LIPJ: variants seen among roughly 807,000 people sequenced by gnomAD.
LIPJ encodes the protein lipase member J.
In LIPJ, 33 loss-of-function variants were observed where a neutral mutation model predicts 39.8. The ratio of observed to expected loss-of-function variants is 0.83; its 90% CI spans 0.63 to 1.11. LIPJ has a LOEUF of 1.11. Ranked by LOEUF, LIPJ falls within the 50% of genes least tolerant of loss-of-function variation. The probability of loss-of-function intolerance (pLI) is 0.00; values close to 1 mark genes in which losing one functional copy is unlikely to be tolerated. For missense variants in LIPJ, 422 were observed against 427.9 expected, an observed-to-expected ratio of 0.99 and a Z score of 0.12; for synonymous variants, 128 against 139.2, an observed-to-expected ratio of 0.92 and a Z score of 0.57.
downstream of LIPJ, among the ~76,000 whole-genome samples, chr10:88,607,464 CAGAGTGTATAG>C (rs1380169757): frequency 2.0e-5 from 3 of 152,224 alleles, no homozygotes; most frequent in Admixed American, 6.5e-5. Flanking sequence ...CCTCACTTCC[CAGAGTGTATAG>C]CTTGAGAAGA....
At chr10:88,610,053 C>T (rs1336297498), downstream of LIPJ, among the ~76,000 whole-genome samples, 1 of 152,134 alleles carries the variant, frequency 6.6e-6, no homozygotes, top group Admixed American at 6.5e-5. Context: ...CAGGAAGTTT[C>T]CTCTGATAAG....
At position 88,590,648 on chromosome 10, in the gene LIPJ, T is replaced by C. The variant is rs1238184375; in HGVS notation, c.-40T>C. 4 of 1,537,172 alleles carry C rather than the reference T, an allele frequency of 2.6e-6. No homozygotes were observed. In the African/African-American group the frequency reaches 5.5e-5, roughly 21 times the overall value. On this transcript the variant is annotated 5_prime_UTR_variant, in exon 3 of 11. Transcript: ENST00000371939. The stretch of plus-strand genomic sequence containing the variant: ...TCCGAATTCTTGGAATTACTCATGG[T>C]GTCTTTCAAAATTAAAGATCTGTGA...
chr10:88,584,661 G>T (rs567333039), upstream of LIPJ: 1 of 152,216 alleles, frequency 6.6e-6, no homozygotes, highest in East Asian at 1.9e-4. Flanking sequence ...GCAGTGGCAC[G>T]ATCAGGGCTC....
chr10:88,589,856 C>A (rs998643461), intron 2 of LIPJ, among the ~76,000 whole-genome samples: 1 of 151,754 alleles, frequency 6.6e-6, no homozygotes, highest in Non-Finnish European at 1.5e-5. Context: ...GGCAGGGAAA[C>A]TGATGATCAC....
downstream of LIPJ, among the ~76,000 whole-genome samples, chr10:88,610,914 T>C (rs1423416139): frequency 1.3e-5 from 2 of 152,202 alleles, no homozygotes; most frequent in African/African-American, 2.4e-5. Flanking sequence ...CTATAAAACT[T>C]CTAGAAGAAA....
intron 4 of LIPJ, chr10:88,592,121 A>T (rs1851100681): frequency 6.6e-6 from 1 of 151,932 alleles, no homozygotes; most frequent in Admixed American, 6.6e-5. Flanking sequence ...TGTTTCTTTC[A>T]GAAGGAAACA....
intron 2 of LIPJ, among the ~76,000 whole-genome samples, chr10:88,588,930 T>C (rs1336212821): frequency 6.6e-6 from 1 of 151,766 alleles, no homozygotes; most frequent in Non-Finnish European, 1.5e-5. Flanking sequence ...TTATTAGGAG[T>C]ACCACAACTA....
chr10:88,589,721 A>T (rs2765452), intron 2 of LIPJ, among the ~76,000 whole-genome samples: 1 of 151,668 alleles, frequency 6.6e-6, no homozygotes, highest in South Asian at 2.1e-4. Flanking sequence ...GTTCTCTTGC[A>T]TAAGGAGGAT....
chr10:88,598,989 AAAT>A (rs1851363872), intron 8 of LIPJ, among the ~76,000 whole-genome samples: 2 of 143,546 alleles, frequency 1.4e-5, no homozygotes, highest in African/African-American at 5.1e-5. Flanking sequence ...CAATAATATA[AAAT>A]ATTATATTAT....
chr10:88,593,995 C>T (rs1225347643), exon 5 of LIPJ: 3 of 1,612,362 alleles, frequency 1.9e-6, no homozygotes, highest in South Asian at 2.2e-5. Context: ...CATCTGCCAG[C>T]AGCTGGATTT....
At chr10:88,623,180 C>T in the LIPJ span, among the ~76,000 whole-genome samples, 1 of 152,086 alleles carries the variant, frequency 6.6e-6, no homozygotes, top group African/African-American at 2.4e-5. Flanking sequence ...AAGTAAAATA[C>T]AGTTTTTACA....
chr10:88,600,758 A>G (rs1359581), intron 8 of LIPJ, among the ~76,000 whole-genome samples: 123,391 of 151,968 alleles, frequency 0.81, 50,853 homozygotes, highest in East Asian at 0.99. Context: ...CAGAATACCC[A>G]AGACTGGGTT....
chr10:88,604,785 G>C (rs1368736897), intron 9 of LIPJ, among the ~76,000 whole-genome samples: 1 of 152,090 alleles, frequency 6.6e-6, no homozygotes. Flanking sequence ...CTAGAATTTA[G>C]GAAAGACTTA....
At chr10:88,591,604 G>T in intron 4 of LIPJ, 106 bp downstream of exon 4, 1 of 970,900 alleles carries the variant, frequency 1.0e-6, no homozygotes, top group Non-Finnish European at 1.5e-6. Context: ...AAGATTAAGT[G>T]AATAGTTAAC....
Position 88,594,681 on chromosome 10 carries a change from CA to C in LIPJ, c.348del (p.Lys116AsnfsTer12). On this transcript the variant is annotated frameshift_variant, in exon 6 of 11. Transcript: ENST00000371939. LOFTEE classifies it high-confidence loss of function. ...TTCTTTTGTAGTTTTGATGAGATGG[CA>C]AAATATGACCTTCCAGCCTCTATTG... The C allele has an allele frequency of 6.6e-7, 1 of 1,520,544 alleles. No individual in the cohort carries two copies. The highest frequency in any genetic ancestry group is 8.8e-7 in the Non-Finnish European group (1 of 1,134,336). 94.2% of individuals were successfully genotyped at this position (1,520,544 alleles called of 1,614,324 possible).
chr10:88,592,034 G>A (rs1851096370), intron 4 of LIPJ: 1 of 151,764 alleles, frequency 6.6e-6, no homozygotes, highest in South Asian at 2.1e-4. Flanking sequence ...AATATGTAAT[G>A]GATTACTTTT....
At chr10:88,591,661 A>G (rs1851084273) in intron 4 of LIPJ, 163 bp downstream of exon 4, 2 of 479,836 alleles carry the variant, frequency 4.2e-6, no homozygotes, top group Non-Finnish European at 7.0e-6. Flanking sequence ...ACACAAGAAG[A>G]TACACCGGCC....
At chr10:88,589,383 T>C (rs1297693846) in intron 2 of LIPJ, among the ~76,000 whole-genome samples, 1 of 151,900 alleles carries the variant, frequency 6.6e-6, no homozygotes, top group Non-Finnish European at 1.5e-5. Flanking sequence ...ATAAAGTTTT[T>C]CCATGTGCAG....
chr10:88,595,252 T>C (rs1430283475), intron 6 of LIPJ, among the ~76,000 whole-genome samples: 1 of 151,770 alleles, frequency 6.6e-6, no homozygotes, highest in African/African-American at 2.4e-5. Context: ...AAAAGAACTT[T>C]AATCAGAACT....
Sources: allele counts gnomAD v4.1 joint callset (sites outside exome capture counted in the v4.1 genomes callset), GRCh38; gene constraint gnomAD v4.1.1; transcripts MANE v1.5; gene names NCBI Gene and HGNC (gene_info 2026-07-23, HGNC 2026-07-21).